PALM2AKAP2: variants seen among roughly 807,000 people sequenced by gnomAD.
PALM2AKAP2 encodes the protein PALM2 and AKAP2 fusion.
A neutral mutation model predicts 71.5 loss-of-function variants in PALM2AKAP2; 37 were observed. The observed-to-expected ratio is 0.52, with a 90% CI of 0.40 to 0.68. The LOEUF is 0.68. Ranked by LOEUF, PALM2AKAP2 falls within the 30% of genes least tolerant of loss-of-function variation. The probability of loss-of-function intolerance (pLI) is 0.00; values close to 1 mark genes in which losing one functional copy is unlikely to be tolerated. For synonymous variants in PALM2AKAP2, 468 were observed against 478.8 expected, an observed-to-expected ratio of 0.98 and a Z score of 0.29; for missense variants, 1,224 against 1,191.8, an observed-to-expected ratio of 1.03 and a Z score of -0.40.
At chr9:109,916,560 A>T (rs1830697176) in intron 3 of PALM2AKAP2, among the ~76,000 whole-genome samples, 1 of 152,246 alleles carries the variant, frequency 6.6e-6, no homozygotes, top group South Asian at 2.1e-4. Flanking sequence ...GACATGTGAT[A>T]TGCTGGGCCT....
chr9:109,720,973 T>G (rs183880104), intron 1 of PALM2AKAP2, among the ~76,000 whole-genome samples: 1 of 152,206 alleles, frequency 6.6e-6, no homozygotes, highest in Non-Finnish European at 1.5e-5. Context: ...CTAAATACTT[T>G]AGAGCTTGCT....
chr9:110,072,118 C>A (rs1834219428), intron 1 of PALM2AKAP2, among the ~76,000 whole-genome samples: 1 of 152,096 alleles, frequency 6.6e-6, no homozygotes, highest in African/African-American at 2.4e-5. Flanking sequence ...GAATCTTAAG[C>A]CTATTGGTAA....
At chr9:110,102,333 T>A (rs1452705712) in intron 1 of PALM2AKAP2, among the ~76,000 whole-genome samples, 1 of 152,216 alleles carries the variant, frequency 6.6e-6, no homozygotes, top group Non-Finnish European at 1.5e-5. Flanking sequence ...TTAGATGTAA[T>A]GTGTTCAGAA....
At chr9:109,982,359 A>T (rs1564244561) in intron 6 of PALM2AKAP2, among the ~76,000 whole-genome samples, 1 of 152,166 alleles carries the variant, frequency 6.6e-6, no homozygotes, top group Non-Finnish European at 1.5e-5. Context: ...ATATGATTAG[A>T]TATATAACTA....
chr9:109,659,176 G>T (rs1286597646), intron 1 of PALM2AKAP2, among the ~76,000 whole-genome samples: 1 of 152,164 alleles, frequency 6.6e-6, no homozygotes, highest in Non-Finnish European at 1.5e-5. Flanking sequence ...TTGCTTCAGA[G>T]AATAGGTTAA....
chr9:109,923,988 G>A, intron 4 of PALM2AKAP2, 139 bp downstream of exon 4: 1 of 903,986 alleles, frequency 1.1e-6, no homozygotes, highest in Non-Finnish European at 1.6e-6. Context: ...AGGGGCAGAT[G>A]TGTGAGGACC....
At chr9:110,144,531 G>A (rs999609576) in intron 2 of PALM2AKAP2, among the ~76,000 whole-genome samples, 1 of 152,184 alleles carries the variant, frequency 6.6e-6, no homozygotes, top group African/African-American at 2.4e-5. Flanking sequence ...TCTTGAGGCC[G>A]GATATATTTC....
chr9:109,867,673 C>T, intron 2 of PALM2AKAP2, 102 bp downstream of exon 2: 1 of 1,315,980 alleles, frequency 7.6e-7, no homozygotes, highest in South Asian at 1.5e-5. Context: ...CTGCCGCCAA[C>T]CAAACCAGCC....
chr9:110,159,789 C>T (rs1458673692), intron 3 of PALM2AKAP2, among the ~76,000 whole-genome samples: 1 of 152,188 alleles, frequency 6.6e-6, no homozygotes, highest in Non-Finnish European at 1.5e-5. Context: ...GGACTCAGCT[C>T]AGGGCCCTGC....
chr9:110,086,597 T>C (rs1834579983), intron 1 of PALM2AKAP2, among the ~76,000 whole-genome samples: 1 of 152,210 alleles, frequency 6.6e-6, no homozygotes, highest in South Asian at 2.1e-4. Context: ...TAGGTGCGTG[T>C]GTGTACATGC....
intron 1 of PALM2AKAP2, among the ~76,000 whole-genome samples, chr9:110,101,746 T>C (rs1017893620): frequency 1.3e-5 from 2 of 152,218 alleles, no homozygotes; most frequent in East Asian, 1.9e-4. Context: ...GCTGCTTGCA[T>C]GCTTTCAAAT....
intron 1 of PALM2AKAP2, among the ~76,000 whole-genome samples, chr9:110,124,106 T>C (rs1835546761): frequency 6.6e-6 from 1 of 152,212 alleles, no homozygotes; most frequent in East Asian, 1.9e-4. Flanking sequence ...GAAAATGTTG[T>C]TTAGATGCTG....
At chr9:109,811,568 ATTCTTT>A (rs1827728039) in intron 1 of PALM2AKAP2, among the ~76,000 whole-genome samples, 1 of 152,042 alleles carries the variant, frequency 6.6e-6, no homozygotes, top group African/African-American at 2.4e-5. Context: ...TTTTTATTAT[ATTCTTT>A]TTCTTTATGT....
rs1238150373 is a variant in PALM2AKAP2, at chr9:110,006,320, C to CTATCTTTCTTTCTTTCTTT, written c.497-9634_497-9633insTATCTTTCTTTCTTTCTTT. On this transcript the variant is annotated intron_variant, in intron 6 of 9. Coordinates refer to the PALM2AKAP2 transcript ENST00000302798. ...TTCCTTTCCCTCCCTTTCCTTCCTT[C>CTATCTTTCTTTCTTTCTTT]CTTCTCTTTCTTTCTTTCTTTCTTT... Among the ~76,000 whole-genome samples the CTATCTTTCTTTCTTTCTTT allele has an allele frequency of 1.5e-3, 128 of 82,634 alleles. 3 individuals carry two copies. The highest frequency in any genetic ancestry group is 5.7e-3 in the Middle Eastern group (1 of 174). The allele number at this position is 82,634 out of a possible 152,430, so 54.2% of individuals were successfully genotyped here.
At chr9:109,852,550 G>A (rs1404552113) in intron 1 of PALM2AKAP2, among the ~76,000 whole-genome samples, 1 of 152,174 alleles carries the variant, frequency 6.6e-6, no homozygotes, top group Non-Finnish European at 1.5e-5. Flanking sequence ...GTATATATCA[G>A]TAATAGGATT....
At chr9:110,056,838 A>G (rs1328716363) in intron 1 of PALM2AKAP2, among the ~76,000 whole-genome samples, 1 of 152,156 alleles carries the variant, frequency 6.6e-6, no homozygotes, top group African/African-American at 2.4e-5. Context: ...CAATGTGTAT[A>G]TCATTTTAAG....
At chr9:109,661,830 G>A (rs1209675437) in intron 1 of PALM2AKAP2, among the ~76,000 whole-genome samples, 3 of 151,890 alleles carry the variant, frequency 2.0e-5, no homozygotes, top group Non-Finnish European at 4.4e-5. Context: ...TTTGTGTCCT[G>A]TTTTATTTTG....
At chr9:109,996,255 G>C (rs1832573189) in intron 6 of PALM2AKAP2, among the ~76,000 whole-genome samples, 1 of 152,204 alleles carries the variant, frequency 6.6e-6, no homozygotes, top group Non-Finnish European at 1.5e-5. Context: ...TTAATCATTA[G>C]AGTATGTGGA....
chr9:109,758,810 T>C (rs1455979564), intron 1 of PALM2AKAP2, among the ~76,000 whole-genome samples: 2 of 152,062 alleles, frequency 1.3e-5, no homozygotes, highest in Non-Finnish European at 2.9e-5. Flanking sequence ...CTTCCTCTAT[T>C]CTTTCCTACA....
Sources: gnomAD v4.1 joint callset for allele counts (sites outside exome capture counted in the v4.1 genomes callset) on GRCh38, gnomAD v4.1.1 for gene constraint, MANE v1.5 for transcripts, NCBI Gene and HGNC (gene_info 2026-07-23, HGNC 2026-07-21) for gene names.